The following KCNIP4 variants were observed in gnomAD, a reference collection of about 807,000 sequenced individuals.
KCNIP4 encodes the protein Kv channel-interacting protein 4.
In KCNIP4, 12 loss-of-function variants were observed where a neutral mutation model predicts 34.0. The observed-to-expected ratio is 0.35, with a 90% CI of 0.23 to 0.57. The LOEUF (loss-of-function observed/expected upper bound fraction) is 0.57. Ranked by LOEUF, KCNIP4 falls within the 20% of genes least tolerant of loss-of-function variation. KCNIP4 has a pLI of 0.83. For synonymous variants in KCNIP4, 124 were observed against 102.2 expected (o/e 1.21, Z -1.29); for missense variants, 238 against 311.7 (o/e 0.76, Z 1.78).
intron 1 of KCNIP4, among the ~76,000 whole-genome samples, chr4:21,712,952 T>C (rs933409540): frequency 1.3e-5 from 2 of 152,150 alleles, no homozygotes; most frequent in African/African-American, 4.8e-5. Flanking sequence ...TCTGCTTCTC[T>C]TTCTGTTCCA....
intron 1 of KCNIP4, among the ~76,000 whole-genome samples, chr4:21,429,438 A>G (rs901125706): frequency 2.0e-5 from 3 of 152,160 alleles, no homozygotes; most frequent in African/African-American, 7.2e-5. Context: ...TAAAGCTGCC[A>G]TACACACTCA....
intron 3 of KCNIP4, among the ~76,000 whole-genome samples, chr4:20,798,116 C>A (rs1225474402): frequency 1.3e-5 from 2 of 152,170 alleles, no homozygotes; most frequent in Non-Finnish European, 2.9e-5. Flanking sequence ...TCATTAAGTG[C>A]CTATCATGTC....
intron 1 of KCNIP4, among the ~76,000 whole-genome samples, chr4:21,224,578 GTTTTTTT>G (rs765906146): frequency 4.5e-5 from 2 of 44,880 alleles, no homozygotes; most frequent in African/African-American, 1.0e-4. Context: ...TTTTTCAACT[GTTTTTTT>G]TTTTTTTTTT....
chr4:21,061,194 T>A (rs889542452), intron 1 of KCNIP4, among the ~76,000 whole-genome samples: 1 of 152,132 alleles, frequency 6.6e-6, no homozygotes, highest in Admixed American at 6.6e-5. Context: ...TTTGCCTTTT[T>A]ACATGTGCAT....
chr4:21,415,958 G>T (rs549227507), intron 1 of KCNIP4, among the ~76,000 whole-genome samples: 1 of 152,114 alleles, frequency 6.6e-6, no homozygotes, highest in South Asian at 2.1e-4. Flanking sequence ...GAACTCTTCC[G>T]ACGTAGGCAT....
At chr4:20,795,464 A>G (rs1713332851) in intron 3 of KCNIP4, among the ~76,000 whole-genome samples, 1 of 152,090 alleles carries the variant, frequency 6.6e-6, no homozygotes, top group Non-Finnish European at 1.5e-5. Context: ...TTTTCATTCT[A>G]ATTTGTTTGC....
chr4:21,473,931 C>T (rs1730681270), intron 1 of KCNIP4, among the ~76,000 whole-genome samples: 1 of 151,954 alleles, frequency 6.6e-6, no homozygotes, highest in South Asian at 2.1e-4. Context: ...CCAGGCTGTC[C>T]TCAAACTCCT....
intron 1 of KCNIP4, among the ~76,000 whole-genome samples, chr4:21,391,354 G>T (rs1495508): frequency 0.54 from 81,407 of 151,856 alleles, 23,072 homozygotes; most frequent in Non-Finnish European, 0.62. Context: ...GCTAACAGAG[G>T]CAGATACAGG....
At chr4:21,336,219 CAATT>C (rs922357492) in intron 1 of KCNIP4, among the ~76,000 whole-genome samples, 13 of 152,050 alleles carry the variant, frequency 8.5e-5, no homozygotes, top group Non-Finnish European at 1.6e-4. Flanking sequence ...TAATAAACCA[CAATT>C]ATTTATCCTA....
At chr4:21,791,086 C>G (rs955919699) in intron 1 of KCNIP4, among the ~76,000 whole-genome samples, 1 of 151,016 alleles carries the variant, frequency 6.6e-6, no homozygotes, top group Non-Finnish European at 1.5e-5. Flanking sequence ...CTAGGCTGGG[C>G]AGTTTATTAT....
At chr4:20,745,999 C>T (rs545671321) in intron 5 of KCNIP4, among the ~76,000 whole-genome samples, 2 of 152,116 alleles carry the variant, frequency 1.3e-5, no homozygotes, top group Non-Finnish European at 2.9e-5. Context: ...ACTAGAAATA[C>T]CATTTGACAC....
intron 1 of KCNIP4, among the ~76,000 whole-genome samples, chr4:21,825,950 A>C (rs533366482): frequency 6.6e-6 from 1 of 152,296 alleles, no homozygotes; most frequent in South Asian, 2.1e-4. Context: ...CCCGAATAAA[A>C]AGATAGAGCC....
intron 1 of KCNIP4, among the ~76,000 whole-genome samples, chr4:21,425,304 CAATT>C (rs1322896261): frequency 2.6e-5 from 4 of 152,114 alleles, no homozygotes; most frequent in Admixed American, 6.6e-5. Context: ...AATCTTAACT[CAATT>C]AAGCACTTTT....
At chr4:21,040,404 C>T (rs1560669246) in intron 1 of KCNIP4, among the ~76,000 whole-genome samples, 1 of 151,744 alleles carries the variant, frequency 6.6e-6, no homozygotes, top group Non-Finnish European at 1.5e-5. Flanking sequence ...TTAAGGTGAA[C>T]AAGGTTACAG....
At chr4:21,757,552 C>A (rs574028901) in intron 1 of KCNIP4, among the ~76,000 whole-genome samples, 38 of 152,230 alleles carry the variant, frequency 2.5e-4, no homozygotes, top group African/African-American at 8.9e-4. Context: ...GCTGAGAATG[C>A]TATTTTTCTT....
intron 1 of KCNIP4, among the ~76,000 whole-genome samples, chr4:21,306,733 GC>G (rs1712503933): frequency 6.6e-6 from 1 of 152,090 alleles, no homozygotes; most frequent in Non-Finnish European, 1.5e-5. Flanking sequence ...CCTTCAGCTT[GC>G]CTTATATATG....
chr4:21,238,313 C>G (rs1419139055), intron 1 of KCNIP4, among the ~76,000 whole-genome samples: 1 of 152,118 alleles, frequency 6.6e-6, no homozygotes, highest in Non-Finnish European at 1.5e-5. Context: ...CCTTTGAAAA[C>G]TGGCACAAGA....
intron 1 of KCNIP4, among the ~76,000 whole-genome samples, chr4:21,220,392 C>T (rs1275733285): frequency 6.6e-6 from 1 of 152,108 alleles, no homozygotes; most frequent in Non-Finnish European, 1.5e-5. Context: ...GAAGTTCTCA[C>T]ACACCGGGGC....
chr4:20,762,469 G>A (rs1755033044), intron 3 of KCNIP4, among the ~76,000 whole-genome samples: 1 of 152,144 alleles, frequency 6.6e-6, no homozygotes, highest in African/African-American at 2.4e-5. Flanking sequence ...ATTGAAACTA[G>A]TGCATTTTTT....
Sources: allele counts gnomAD v4.1 joint callset (sites outside exome capture counted in the v4.1 genomes callset), GRCh38; gene constraint gnomAD v4.1.1; transcripts MANE v1.5; gene names NCBI Gene and HGNC (gene_info 2026-07-23, HGNC 2026-07-21).